The following LRRIQ4 variants were observed in gnomAD, a reference collection of about 807,000 sequenced individuals.
The protein encoded by LRRIQ4 is leucine-rich repeat and IQ domain-containing protein 4.
A neutral mutation model predicts 40.1 loss-of-function variants in LRRIQ4; 21 were observed. The ratio of observed to expected loss-of-function variants is 0.52; its 90% confidence interval spans 0.37 to 0.75. The LOEUF (loss-of-function observed/expected upper bound fraction) is 0.75. Ranked by LOEUF, LRRIQ4 falls within the 30% of genes least tolerant of loss-of-function variation. The probability of loss-of-function intolerance (pLI) is 0.00; values close to 1 mark genes in which losing one functional copy is unlikely to be tolerated. For missense variants in LRRIQ4, 655 were observed against 660.0 expected (o/e 0.99, Z 0.08); for synonymous variants, 277 against 277.1 (o/e 1.00, Z 0.00).
intron 5 of LRRIQ4, among the ~76,000 whole-genome samples, chr3:169,834,597 T>A (rs530245029): frequency 6.6e-6 from 1 of 152,360 alleles, no homozygotes; most frequent in South Asian, 2.1e-4. Context: ...AGATCAATAT[T>A]TTAAATGTAT....
chr3:169,831,263 T>C lies in LRRIQ4; in HGVS notation c.1333+633T>C, dbSNP rs1306057001. Among the ~76,000 whole-genome samples, 4 of 82,632 alleles carry C rather than the reference T, an allele frequency of 4.8e-5. No individual in the cohort carries two copies. The East Asian group carries it at 1.2e-3, about 25-fold the overall frequency. The allele number at this position is 82,632 out of a possible 152,430, so 54.2% of individuals were successfully genotyped here. On this transcript the variant is annotated intron_variant, in intron 4 of 5. Transcript: ENST00000340806. ...CATGTTTTCAAACTATGGCTATTCT[T>C]TTTTTTTTTTTTTTTTTTTTTTTTT... is the stretch of plus-strand genomic sequence containing the variant.
At position 169,837,556 on chromosome 3, in the gene LRRIQ4, A is replaced by G; in HGVS notation, c.1608A>G (p.Lys536=). 6.2e-7 allele frequency: 1 copy of G among 1,605,772 alleles called. No homozygotes were observed. The highest frequency in any genetic ancestry group is 8.5e-7 in the Non-Finnish European group (1 of 1,176,188). ...KFGELLKPQK[K]GKTSPKDKKG... ...GTGAACTACTAAAACCACAAAAGAA[A>G]GGAAAGACCTCTCCAAAAGATAAGA... The change falls in exon 6 of 6, where the codon AAA becomes AAG. Residue 536 remains lysine (K), a synonymous_variant. Transcript: ENST00000340806.
intron 1 of LRRIQ4, among the ~76,000 whole-genome samples, chr3:169,816,173 T>C (rs1353731920): frequency 6.6e-6 from 1 of 152,204 alleles, no homozygotes; most frequent in Non-Finnish European, 1.5e-5. Flanking sequence ...ACTGGCCTCA[T>C]AGAACGAATT....
At chr3:169,819,043 C>T (rs894003982) in intron 1 of LRRIQ4, among the ~76,000 whole-genome samples, 1 of 152,164 alleles carries the variant, frequency 6.6e-6, no homozygotes, top group Non-Finnish European at 1.5e-5. Flanking sequence ...CTATCCAAAT[C>T]TTGGCTCCTT....
At position 169,824,314 on chromosome 3, in the gene LRRIQ4, C is replaced by T. The variant is rs143700845; in HGVS notation, c.1020+1373C>T. ...GGAGGATCACTAGAGGCCAGAAGTT[C>T]AAGACCATGCTGGGCAATGTAGGAA... On this transcript the variant is annotated intron_variant, in intron 2 of 5. Coordinates refer to ENST00000340806, the MANE Select transcript of LRRIQ4 (RefSeq NM_001080460.3). 1.0e-3 allele frequency among the ~76,000 whole-genome samples: 153 copies of T among 152,094 alleles called. 1 individual carries two copies. Among genetic ancestry groups the T allele is most frequent in the African/African-American group, 3.4e-3 (143 of 41,512 alleles).
intron 3 of LRRIQ4, among the ~76,000 whole-genome samples, chr3:169,829,892 G>A (rs1289651192): frequency 6.6e-6 from 1 of 152,212 alleles, no homozygotes; most frequent in Non-Finnish European, 1.5e-5. Context: ...TTCTCACTAT[G>A]ACACAGGGTG....
chr3:169,837,447 C>T (rs549292022), intron 5 of LRRIQ4, 32 bp from the exon 6 acceptor site: 13 of 1,584,556 alleles, frequency 8.2e-6, no homozygotes, highest in Non-Finnish European at 1.0e-5. Flanking sequence ...TGATACCAGC[C>T]GATGCTGAAT....
At position 169,822,945 on chromosome 3, in the gene LRRIQ4, C is replaced by G; in HGVS notation, c.1020+4C>G. 6.6e-7 allele frequency: 1 copy of G among 1,512,920 alleles called. No individual in the cohort carries two copies. Among genetic ancestry groups the G allele is most frequent in the South Asian group, 1.3e-5 (1 of 74,088 alleles). 93.7% of individuals were successfully genotyped at this position (1,512,920 alleles called of 1,614,324 possible). ...GGATGACAATAAAATAGGACAGGTA[C>G]GGATTCCTTTTCTGGCTGTCACTAT... is the stretch of plus-strand genomic sequence containing the variant. On this transcript the variant is annotated splice_donor_region_variant and intron_variant, in intron 2 of 5. Coordinates refer to ENST00000340806, the MANE Select transcript of LRRIQ4 (RefSeq NM_001080460.3).
In LRRIQ4 at chr3:169,814,891, C is replaced by T. The variant is rs538197777; in HGVS notation, c.-32+1845C>T. On this transcript the variant is annotated intron_variant, in intron 1 of 5. Transcript: ENST00000340806. ...TTTCCCAGAACCGTTATTGAAGAAACTATCTTTTCCCCAATATATGTTACT... is the reference window on the plus strand; with the variant it reads ...TTTCCCAGAACCGTTATTGAAGAAATTATCTTTTCCCCAATATATGTTACT... Among the ~76,000 whole-genome samples the T allele has an allele frequency of 2.6e-5, 4 of 152,302 alleles. No individual in the cohort carries two copies. In the South Asian group the frequency reaches 6.2e-4, roughly 24 times the overall value.
At chr3:169,817,850 C>A (rs978737360) in intron 1 of LRRIQ4, among the ~76,000 whole-genome samples, 17 of 152,034 alleles carry the variant, frequency 1.1e-4, no homozygotes, top group Admixed American at 9.8e-4. Flanking sequence ...TCTTGTGGGC[C>A]ACAGATCGAT....
Position 169,822,708 on chromosome 3 carries a change from G to T in LRRIQ4, c.787G>T (p.Gly263Trp). The change falls in exon 2 of 6, where the codon GGG (glycine) becomes TGG (tryptophan). Residue 263 changes from glycine (G) to tryptophan (W), a missense_variant. Physicochemically the swap from Gly to Trp is radical, Grantham distance 184. Transcript: ENST00000340806. ...FAELRKMTEI[G>W]LSGNRLEKVP... ...CGAGCTCAGGAAGATGACGGAAATC[G>T]GGCTGAGCGGGAACCGCCTGGAGAA... The T allele has an allele frequency of 6.2e-7, 1 of 1,613,944 alleles. No homozygotes were observed. The highest frequency in any genetic ancestry group is 8.5e-7 in the Non-Finnish European group (1 of 1,179,898).
intron 2 of LRRIQ4, among the ~76,000 whole-genome samples, chr3:169,827,345 T>C (rs1780061970): frequency 6.6e-6 from 1 of 152,120 alleles, no homozygotes; most frequent in South Asian, 2.1e-4. Context: ...CGGTGGCTCA[T>C]GCCTGTAATC....
At chr3:169,828,514 A>G (rs949009144) in intron 2 of LRRIQ4, among the ~76,000 whole-genome samples, 6 of 152,254 alleles carry the variant, frequency 3.9e-5, no homozygotes, top group African/African-American at 1.2e-4. Flanking sequence ...GATTAAAGGC[A>G]TAAACCACCG....
chr3:169,833,558 C>A (rs993859433), intron 5 of LRRIQ4, among the ~76,000 whole-genome samples: 5 of 152,176 alleles, frequency 3.3e-5, no homozygotes, highest in Non-Finnish European at 1.5e-5. Flanking sequence ...AGATGAGAGG[C>A]TGAGCCCAGG....
chr3:169,830,597 A>C lies in LRRIQ4; in HGVS notation c.1300A>C (p.Lys434Gln). ...EVLDCRHNLL[K>Q]QLPDAICQAQ... Reference sequence around the variant, plus strand: ...TCTTGATTGCCGGCACAATTTGCTTAAGCAACTTCCAGATGCCATTTGCCA... The same window carrying C: ...TCTTGATTGCCGGCACAATTTGCTTCAGCAACTTCCAGATGCCATTTGCCA... The change falls in exon 4 of 6, where the codon AAG (lysine) becomes CAG (glutamine). Residue 434 changes from lysine (K) to glutamine (Q), a missense_variant. Physicochemically the swap from Lys to Gln is moderately conservative, Grantham distance 53. Transcript: ENST00000340806. 6.2e-7 allele frequency: 1 copy of C among 1,613,906 alleles called. No homozygotes were observed. The highest frequency in any genetic ancestry group is 1.1e-5 in the South Asian group (1 of 91,062).
At chr3:169,833,873 G>A (rs993481231) in intron 5 of LRRIQ4, among the ~76,000 whole-genome samples, 5 of 152,086 alleles carry the variant, frequency 3.3e-5, no homozygotes, top group Admixed American at 1.3e-4. Context: ...TCTTCAGTCC[G>A]TAAAACCCCC....
chr3:169,827,683 G>A (rs919468195), intron 2 of LRRIQ4, among the ~76,000 whole-genome samples: 16 of 151,758 alleles, frequency 1.1e-4, no homozygotes, highest in African/African-American at 3.4e-4. Flanking sequence ...CCGATAGACG[G>A]ACATAATGGT....
At chr3:169,837,017 G>A (rs772518682) in intron 5 of LRRIQ4, among the ~76,000 whole-genome samples, 5 of 152,096 alleles carry the variant, frequency 3.3e-5, no homozygotes, top group African/African-American at 4.8e-5. Flanking sequence ...TAGGTAGGAG[G>A]GAATAGGATC....
intron 3 of LRRIQ4, among the ~76,000 whole-genome samples, chr3:169,829,890 A>G (rs951378435): frequency 4.6e-5 from 7 of 152,336 alleles, no homozygotes; most frequent in East Asian, 1.9e-4. Context: ...AGTTCTCACT[A>G]TGACACAGGG....
Sources: allele counts gnomAD v4.1 joint callset (sites outside exome capture counted in the v4.1 genomes callset), GRCh38; gene constraint gnomAD v4.1.1; transcripts MANE v1.5; gene names NCBI Gene and HGNC (gene_info 2026-07-23, HGNC 2026-07-21).